ANO5: variants seen among roughly 807,000 people sequenced by gnomAD.
ANO5 encodes anoctamin 5.
ANO5 carries 109 observed loss-of-function variants against 121.0 expected under a neutral mutation model. The observed-to-expected ratio is 0.90, with a 90% CI of 0.77 to 1.06. The LOEUF (loss-of-function observed/expected upper bound fraction) is 1.06, where lower values mean the gene tolerates loss of function less well. Ranked by LOEUF, ANO5 falls within the 50% of genes least tolerant of loss-of-function variation. ANO5 has a pLI of 0.00. For synonymous variants in ANO5, 406 were observed against 359.9 expected, an observed-to-expected ratio of 1.13 and a Z score of -1.45; for missense variants, 1,064 against 1,078.5, an observed-to-expected ratio of 0.99 and a Z score of 0.19.
intron 1 of ANO5, among the ~76,000 whole-genome samples, chr11:22,198,632 TA>T (rs1220352367): frequency 6.6e-6 from 1 of 152,202 alleles, no homozygotes; most frequent in African/African-American, 2.4e-5. Context: ...TTTCTTTTTG[TA>T]AAAATAGAAT....
chr11:22,227,314 G>C lies in ANO5; in HGVS notation c.376G>C (p.Gly126Arg). The C allele has an allele frequency of 6.2e-7, 1 of 1,613,172 alleles. No individual in the cohort carries two copies. The highest frequency in any genetic ancestry group is 1.1e-5 in the South Asian group (1 of 91,044). The change falls in exon 7 of 22, where the codon GGA becomes CGA. Residue 126 changes from glycine to arginine, a missense_variant. By Grantham distance (125) the Gly-to-Arg change is moderately radical. Coordinates refer to ENST00000324559, the MANE Select transcript of ANO5 (RefSeq NM_213599.3). Reference sequence around the variant, plus strand: ...TTTTTTAATGCAGGACTCGGAAGATGGAAGAACTTATTTTGTCAAGATCCA... The same window carrying C: ...TTTTTTAATGCAGGACTCGGAAGATCGAAGAACTTATTTTGTCAAGATCCA... ...EIEDKRDSEDGRTYFVKIHAP... is the reference protein window; with the variant it reads ...EIEDKRDSEDRRTYFVKIHAP...
chr11:22,218,873 G>T (rs1852549004), intron 4 of ANO5, among the ~76,000 whole-genome samples: 1 of 151,944 alleles, frequency 6.6e-6, no homozygotes, highest in Admixed American at 6.6e-5. Context: ...GGTAATTCAG[G>T]TGTTTGAACC....
intron 17 of ANO5, among the ~76,000 whole-genome samples, chr11:22,263,865 C>G (rs1027663877): frequency 4.6e-5 from 7 of 152,072 alleles, no homozygotes; most frequent in Non-Finnish European, 7.4e-5. Context: ...ACCTTCCCAC[C>G]TCCAATATAC....
In ANO5 at chr11:22,282,334, C is replaced by T. The variant is rs183871387; in HGVS notation, c.*2569C>T. ...TTCCTTTGCACACAGGAAGCAAAATCTACTTCAAGACATTTATTTTAGAGG... is the reference window on the plus strand; with the variant it reads ...TTCCTTTGCACACAGGAAGCAAAATTTACTTCAAGACATTTATTTTAGAGG... On this transcript the variant is annotated 3_prime_UTR_variant, in exon 22 of 22. Coordinates refer to ENST00000324559, the MANE Select transcript of ANO5 (RefSeq NM_213599.3). 6.6e-5 allele frequency: 10 copies of T among 152,282 alleles called. No homozygotes were observed. The highest frequency in any genetic ancestry group is 3.3e-4 in the Admixed American group (5 of 15,300). The allele number at this position is 152,282 out of a possible 1,614,324, so 9.4% of individuals were successfully genotyped here. A position where few individuals can be genotyped will look rare whatever the true frequency, so the allele number is the denominator to read the frequency against.
intron 17 of ANO5, among the ~76,000 whole-genome samples, chr11:22,268,328 T>C (rs1440598070): frequency 6.6e-6 from 1 of 152,164 alleles, no homozygotes; most frequent in Admixed American, 6.5e-5. Context: ...AAATTGGACC[T>C]TAATGAATTC....
intron 3 of ANO5, 88 bp from the exon 4 acceptor site, chr11:22,218,158 C>G: frequency 7.6e-7 from 1 of 1,318,550 alleles, no homozygotes. Context: ...ATGATCATAC[C>G]AAGGGTTAGT....
At chr11:22,215,762 A>G (rs76937764) in intron 3 of ANO5, among the ~76,000 whole-genome samples, 1,662 of 152,072 alleles carry the variant, frequency 0.011, 42 homozygotes, top group African/African-American at 0.038. Flanking sequence ...GAGTTTTAAC[A>G]AACTATAATT....
chr11:22,267,494 A>G (rs933660262), intron 17 of ANO5, among the ~76,000 whole-genome samples: 14 of 146,826 alleles, frequency 9.5e-5, no homozygotes, highest in Non-Finnish European at 1.5e-4. Context: ...TACATACCAT[A>G]TAAATATCTA....
chr11:22,269,810 CTT>C (rs1460673845), intron 17 of ANO5, among the ~76,000 whole-genome samples: 1 of 152,058 alleles, frequency 6.6e-6, no homozygotes, highest in South Asian at 2.1e-4. Flanking sequence ...TAAAAAGCCT[CTT>C]TTTAAAAAAA....
At chr11:22,213,295 C>T (rs1046290419) in intron 3 of ANO5, among the ~76,000 whole-genome samples, 1 of 151,860 alleles carries the variant, frequency 6.6e-6, no homozygotes, top group Non-Finnish European at 1.5e-5. Flanking sequence ...ATTGAGGATG[C>T]AGCATTGCAC....
At position 22,256,031 on chromosome 11, in the gene ANO5, A is replaced by G. The variant is rs562587027; in HGVS notation, c.1332+509A>G. Among the ~76,000 whole-genome samples, 12 of 152,252 alleles carry G rather than the reference A, an allele frequency of 7.9e-5. No individual in the cohort carries two copies. The South Asian group carries it at 2.5e-3, about 32-fold the overall frequency. On this transcript the variant is annotated intron_variant, in intron 13 of 21. Coordinates refer to ENST00000324559, the MANE Select transcript of ANO5 (RefSeq NM_213599.3). Reference sequence around the variant, plus strand: ...TGTTTTATTAGACTAACTTTTCTTCACACGGCCCCTTTTAACTGATTATAT... The same window carrying G: ...TGTTTTATTAGACTAACTTTTCTTCGCACGGCCCCTTTTAACTGATTATAT...
In ANO5 at chr11:22,236,229, A is replaced by T; in HGVS notation, c.715A>T (p.Arg239Ter). The change falls in exon 8 of 22, where the codon AGA becomes TGA. Residue 239 changes from arginine to a stop codon, truncating the protein, a stop_gained. Coordinates refer to ENST00000324559, the MANE Select transcript of ANO5 (RefSeq NM_213599.3). LOFTEE classifies it high-confidence loss of function. ...EDGKKRFGIERLLNSNTYSSA... is the reference protein window; with the variant it reads ...EDGKKRFGIE ...TGGGAAGAAAAGGTTTGGGATTGAA[A>T]GACTGCTAAACTCTAACACTTACTC... The T allele has an allele frequency of 6.2e-7, 1 of 1,613,438 alleles. No homozygotes were observed. Among genetic ancestry groups the T allele is most frequent in the Non-Finnish European group, 8.5e-7 (1 of 1,179,596 alleles).
At chr11:22,257,585 C>A (rs2133730237) in intron 13 of ANO5, 95 bp from the exon 14 acceptor site, 5 of 1,025,456 alleles carry the variant, frequency 4.9e-6, no homozygotes, top group Non-Finnish European at 6.1e-6. Context: ...TGGGAGACTC[C>A]TACTTTAACT....
chr11:22,229,904 G>A (rs1016165576), intron 7 of ANO5, among the ~76,000 whole-genome samples: 9 of 151,888 alleles, frequency 5.9e-5, no homozygotes, highest in African/African-American at 2.2e-4. Context: ...CATAACACTT[G>A]TTTCAATGGA....
intron 2 of ANO5, among the ~76,000 whole-genome samples, chr11:22,205,821 A>G (rs1852103127): frequency 6.6e-6 from 1 of 152,158 alleles, no homozygotes; most frequent in Admixed American, 6.5e-5. Flanking sequence ...AAGATAATAA[A>G]GGAATACTAC....
rs543412605 is a variant in ANO5 at position 22,246,296 on chromosome 11, C to T, written c.879-3941C>T. 1.8e-4 allele frequency among the ~76,000 whole-genome samples: 27 copies of T among 152,226 alleles called. No individual in the cohort carries two copies. The South Asian group carries it at 5.6e-3, about 32-fold the overall frequency. The stretch of plus-strand genomic sequence containing the variant: ...AAACTTTTCTCTAGGGTTATTTTAG[C>T]TGTGTTTCTTTATGTTTTCCACCCT... On this transcript the variant is annotated intron_variant, in intron 9 of 21. Coordinates refer to ENST00000324559, the MANE Select transcript of ANO5 (RefSeq NM_213599.3).
intron 1 of ANO5, among the ~76,000 whole-genome samples, chr11:22,196,119 A>G (rs1851802838): frequency 6.6e-6 from 1 of 152,164 alleles, no homozygotes; most frequent in Admixed American, 6.5e-5. Context: ...CTATAACAGA[A>G]TACCACAGCC....
At chr11:22,218,885 C>T (rs117899573) in intron 4 of ANO5, among the ~76,000 whole-genome samples, 1,983 of 152,048 alleles carry the variant, frequency 0.013, 16 homozygotes, top group Non-Finnish European at 0.019. Context: ...GTTTGAACCA[C>T]AGAATAAGTA....
At chr11:22,193,592 C>G in intron 1 of ANO5, 60 bp downstream of exon 1, 1 of 1,581,094 alleles carries the variant, frequency 6.3e-7, no homozygotes, top group Non-Finnish European at 8.6e-7. Context: ...ACCCCTCCAC[C>G]CGCGGCGCAG....
Sources: gnomAD v4.1 joint callset for allele counts (sites outside exome capture counted in the v4.1 genomes callset) on GRCh38, gnomAD v4.1.1 for gene constraint, MANE v1.5 for transcripts, NCBI Gene and HGNC (gene_info 2026-07-23, HGNC 2026-07-21) for gene names.